Variants in INO80D observed in about 807,000 individuals in gnomAD.
The protein encoded by INO80D is INO80 complex subunit D.
Under a neutral mutation model 87.6 loss-of-function variants are expected in INO80D, and 21 were observed. That is an observed-to-expected ratio of 0.24 (90% CI 0.17 to 0.35). The LOEUF is 0.35. Among genes scored for constraint, INO80D ranks in the 10% least tolerant of loss-of-function variants. The probability of loss-of-function intolerance (pLI) is 1.00; values close to 1 mark genes in which losing one functional copy is unlikely to be tolerated. For missense variants in INO80D, 982 were observed against 1,280.7 expected, an observed-to-expected ratio of 0.77 and a Z score of 3.56; for synonymous variants, 440 against 491.0, an observed-to-expected ratio of 0.90 and a Z score of 1.37.
chr2:206,071,625 AC>A (rs556406861), intron 1 of INO80D, among the ~76,000 whole-genome samples: 81 of 148,452 alleles, frequency 5.5e-4, no homozygotes, highest in African/African-American at 1.8e-3. Flanking sequence ...TGCTTCCATT[AC>A]CCCCAGCTAT....
intron 8 of INO80D, among the ~76,000 whole-genome samples, chr2:206,013,710 G>A (rs1688240272): frequency 6.6e-6 from 1 of 151,738 alleles, no homozygotes. Context: ...TATGCAGCTG[G>A]GATCATTTAT....
rs780592369 is a variant in INO80D, at chr2:206,062,925, T to C, written c.92A>G (p.Asn31Ser). The C allele has an allele frequency of 1.2e-6, 2 of 1,613,384 alleles. No individual in the cohort carries two copies. The highest frequency in any genetic ancestry group is 2.2e-5 in the East Asian group (1 of 44,864). The stretch of plus-strand genomic sequence containing the variant: ...GTGTCTGATACAGAAGGCGTAGCCG[T>C]TGAGTCGCCTCTGCTTGCACAGTTT... Reference protein sequence around the residue: ...SPKLCKQRRLNGYAFCIRHVL... With the variant: ...SPKLCKQRRLSGYAFCIRHVL... The change falls in exon 3 of 11, where the codon AAC (asparagine) becomes AGC (serine). Residue 31 changes from asparagine (N) to serine (S), a missense_variant. Transcript: ENST00000403263. The surrounding 1 kb of genome is among the most constrained non-coding windows in gnomAD (Gnocchi z 4.6).
At chr2:206,069,909 C>T (rs1347162093) in intron 1 of INO80D, among the ~76,000 whole-genome samples, 1 of 152,156 alleles carries the variant, frequency 6.6e-6, no homozygotes, top group Non-Finnish European at 1.5e-5. Flanking sequence ...GTTTACAACA[C>T]AGTCTCCTCT....
chr2:206,049,253 T>G (rs1204628320), intron 4 of INO80D, among the ~76,000 whole-genome samples: 1 of 152,236 alleles, frequency 6.6e-6, no homozygotes, highest in Non-Finnish European at 1.5e-5. Flanking sequence ...TAAAGAAACT[T>G]CAAATCTAAT....
intron 8 of INO80D, among the ~76,000 whole-genome samples, chr2:206,016,678 C>G (rs1688326104): frequency 6.6e-6 from 1 of 152,200 alleles, no homozygotes; most frequent in African/African-American, 2.4e-5. Flanking sequence ...CCCATAATTC[C>G]CACGTGTTGT....
intron 3 of INO80D, among the ~76,000 whole-genome samples, chr2:206,058,481 T>A (rs979969704): frequency 6.8e-6 from 1 of 147,434 alleles, no homozygotes; most frequent in Non-Finnish European, 1.5e-5. Context: ...ACGCCTGTAA[T>A]CCCAGCACTT....
In INO80D at chr2:205,994,480, C is replaced by G. The variant is rs920005351; in HGVS notation, c.*9888G>C. ...CCTCACCTTTGATTTCCCACTGCAA[C>G]TTGGTTTCAACTTACACTTCAGTAC... On this transcript the variant is annotated 3_prime_UTR_variant, in exon 11 of 11. Coordinates refer to ENST00000403263, the MANE Select transcript of INO80D (RefSeq NM_017759.5). 1.3e-5 allele frequency: 2 copies of G among 152,154 alleles called. No individual in the cohort carries two copies. The highest frequency in any genetic ancestry group is 2.9e-5 in the Non-Finnish European group (2 of 68,036). 9.4% of individuals were successfully genotyped at this position (152,154 alleles called of 1,614,324 possible).
Position 206,028,402 on chromosome 2 carries a change from G to A in INO80D, c.1074-67C>T, listed in dbSNP as rs191042384. The A allele has an allele frequency of 2.0e-4, 254 of 1,269,450 alleles. No homozygotes were observed. In the African/African-American group the frequency reaches 3.0e-3, roughly 15 times the overall value. 78.6% of individuals were successfully genotyped at this position (1,269,450 alleles called of 1,614,324 possible). ...TAGGCTCATTTTAGACAGGGTAAAC[G>A]AGAATTAGGAAATGTAGCTGAATGC... On this transcript the variant is annotated intron_variant, in intron 5 of 10. Coordinates refer to ENST00000403263, the MANE Select transcript of INO80D (RefSeq NM_017759.5).
At chr2:206,007,973 C>A (rs1688070615) in intron 9 of INO80D, 1 of 152,230 alleles carries the variant, frequency 6.6e-6, no homozygotes, top group Non-Finnish European at 1.5e-5. Flanking sequence ...TAAAGCCAAT[C>A]CTAATGTCTT....
chr2:206,041,170 G>A (rs1324599015), intron 5 of INO80D, among the ~76,000 whole-genome samples: 1 of 150,808 alleles, frequency 6.6e-6, no homozygotes, highest in Non-Finnish European at 1.5e-5. Context: ...ACAAAGAATA[G>A]GTGAGACAAA....
rs138140649 is a variant in INO80D at position 206,031,477 on chromosome 2, T to A, written c.1074-3142A>T. On this transcript the variant is annotated intron_variant, in intron 5 of 10. Coordinates refer to ENST00000403263, the MANE Select transcript of INO80D (RefSeq NM_017759.5). Reference sequence around the variant, plus strand: ...GGTCGATAATCAGTTGCCAAAACTGTTATTTTAAAAAGATGCACCTGCGCC... The same window carrying A: ...GGTCGATAATCAGTTGCCAAAACTGATATTTTAAAAAGATGCACCTGCGCC... Among the ~76,000 whole-genome samples the A allele has an allele frequency of 1.0e-3, 152 of 152,246 alleles. 1 individual carries two copies. Among genetic ancestry groups the A allele is most frequent in the Middle Eastern group, 3.4e-3 (1 of 294 alleles).
intron 6 of INO80D, among the ~76,000 whole-genome samples, chr2:206,024,674 A>G (rs1688554321): frequency 6.6e-6 from 1 of 152,210 alleles, no homozygotes; most frequent in Admixed American, 6.5e-5. Flanking sequence ...CACTAAAATA[A>G]AATATCAAAA....
chr2:206,019,432 A>C (rs1688401722), intron 7 of INO80D, among the ~76,000 whole-genome samples: 1 of 152,242 alleles, frequency 6.6e-6, no homozygotes, highest in African/African-American at 2.4e-5. Flanking sequence ...TGAGTGTTAT[A>C]GCTCCTTCTT....
At chr2:206,039,390 G>GA (rs1488849036) in intron 5 of INO80D, among the ~76,000 whole-genome samples, 1 of 151,668 alleles carries the variant, frequency 6.6e-6, no homozygotes, top group Non-Finnish European at 1.5e-5. Flanking sequence ...AAAGCAAAAC[G>GA]AAAGTCCATC....
intron 5 of INO80D, among the ~76,000 whole-genome samples, chr2:206,036,627 G>A (rs1261426331): frequency 5.3e-5 from 8 of 152,060 alleles, no homozygotes; most frequent in Admixed American, 5.2e-4. Context: ...CAAATAGGGT[G>A]CAGTGAATAC....
chr2:206,019,900 G>A, intron 6 of INO80D, 55 bp from the exon 7 acceptor site: 1 of 1,375,524 alleles, frequency 7.3e-7, no homozygotes, highest in Non-Finnish European at 1.0e-6. Context: ...AGAATCCAGG[G>A]TAATTTTTCA....
At chr2:206,076,508 A>G (rs985216100) in intron 1 of INO80D, among the ~76,000 whole-genome samples, 3 of 152,240 alleles carry the variant, frequency 2.0e-5, no homozygotes, top group Admixed American at 6.5e-5. Context: ...AATGATGAAA[A>G]TCTATCAACT....
intron 8 of INO80D, among the ~76,000 whole-genome samples, chr2:206,016,944 A>G (rs189414965): frequency 2.0e-5 from 3 of 152,272 alleles, no homozygotes; most frequent in Admixed American, 1.3e-4. Context: ...TCTTTTGTAA[A>G]CTGCCCAGTC....
chr2:206,051,246 A>G (rs1689359853), intron 4 of INO80D, among the ~76,000 whole-genome samples: 1 of 151,218 alleles, frequency 6.6e-6, no homozygotes, highest in African/African-American at 2.4e-5. Context: ...TTTTTTTTTC[A>G]GAGACGGGGT....
Sources: allele counts gnomAD v4.1 joint callset (sites outside exome capture counted in the v4.1 genomes callset), GRCh38; gene constraint gnomAD v4.1.1; non-coding constraint Gnocchi (gnomAD v3.1); transcripts MANE v1.5; gene names NCBI Gene and HGNC (gene_info 2026-07-23, HGNC 2026-07-21).